Variants in NRCAM observed in about 807,000 individuals in gnomAD.
The protein encoded by NRCAM is neuronal cell adhesion molecule, also known as NgCAM-related cell adhesion molecule.
NRCAM carries 83 observed loss-of-function variants against 156.5 expected under a neutral mutation model. That is an observed-to-expected ratio of 0.53 (90% confidence interval 0.44 to 0.64). NRCAM has a LOEUF of 0.64. Ranked by LOEUF, NRCAM falls within the 30% of genes least tolerant of loss-of-function variation. NRCAM has a pLI of 0.00. For missense variants in NRCAM, 1,417 were observed against 1,597.3 expected (o/e 0.89, Z 1.92); for synonymous variants, 538 against 563.9 (o/e 0.95, Z 0.65).
At chr7:108,208,503 C>G (rs2082342298) in intron 12 of NRCAM, among the ~76,000 whole-genome samples, 1 of 152,112 alleles carries the variant, frequency 6.6e-6, no homozygotes, top group African/African-American at 2.4e-5. Flanking sequence ...AACAATGGTA[C>G]TTAACTAAAC....
intron 2 of NRCAM, among the ~76,000 whole-genome samples, chr7:108,313,728 A>T (rs941798718): frequency 2.0e-5 from 3 of 152,216 alleles, no homozygotes; most frequent in African/African-American, 7.2e-5. Flanking sequence ...AGGACAAAAT[A>T]TTAATATTGT....
intron 2 of NRCAM, among the ~76,000 whole-genome samples, chr7:108,370,562 T>TTTC (rs1158789766): frequency 3.3e-5 from 5 of 152,184 alleles, no homozygotes; most frequent in African/African-American, 1.2e-4. Flanking sequence ...AATCATGCTA[T>TTTC]TTCTGTAAAC....
chr7:108,232,685 G>T (rs2094470253), intron 6 of NRCAM, among the ~76,000 whole-genome samples, 163 bp from the exon 7 acceptor site: 2 of 152,006 alleles, frequency 1.3e-5, no homozygotes, highest in South Asian at 4.1e-4. Flanking sequence ...ATTGAATCAT[G>T]ACCTGGGAAA....
intron 1 of NRCAM, among the ~76,000 whole-genome samples, chr7:108,445,919 G>C (rs1843641327): frequency 6.6e-6 from 1 of 152,138 alleles, no homozygotes; most frequent in African/African-American, 2.4e-5. Flanking sequence ...GAGAGCTTCT[G>C]ATCTGTTTCA....
chr7:108,237,714 T>C lies in NRCAM; in HGVS notation c.124+38A>G. On this transcript the variant is annotated intron_variant, in intron 5 of 32. Coordinates refer to ENST00000379028, the MANE Select transcript of NRCAM (RefSeq NM_001037132.4). The stretch of plus-strand genomic sequence containing the variant: ...TTCAAAAAGCAAAGACATGGTCACA[T>C]TTTCACACTGCCTAGTAATTTATAG... 5 of 1,522,722 alleles carry C rather than the reference T, an allele frequency of 3.3e-6. No homozygotes were observed. In the Middle Eastern group the frequency reaches 5.2e-4, roughly 159 times the overall value. 94.3% of individuals were successfully genotyped at this position (1,522,722 alleles called of 1,614,324 possible).
intron 1 of NRCAM, among the ~76,000 whole-genome samples, chr7:108,445,368 C>A (rs1018875534): frequency 2.6e-5 from 4 of 152,100 alleles, no homozygotes; most frequent in African/African-American, 9.7e-5. Flanking sequence ...ACAGTCCTAT[C>A]CTGCAGCATC....
chr7:108,159,562 AT>A, intron 31 of NRCAM, 21 bp from the exon 32 acceptor site: 1 of 1,575,478 alleles, frequency 6.3e-7, no homozygotes, highest in Non-Finnish European at 8.7e-7. Flanking sequence ...CCAAAATGGT[AT>A]TATTATCTGT....
intron 3 of NRCAM, among the ~76,000 whole-genome samples, chr7:108,301,749 C>G (rs898405164): frequency 1.3e-5 from 2 of 151,856 alleles, no homozygotes; most frequent in African/African-American, 4.8e-5. Flanking sequence ...TAAAAAATAT[C>G]TAGGGGCTCA....
At chr7:108,404,230 T>C (rs916566575) in intron 1 of NRCAM, among the ~76,000 whole-genome samples, 2 of 130,168 alleles carry the variant, frequency 1.5e-5, no homozygotes, top group Admixed American at 8.4e-5. Context: ...CTGATGACCA[T>C]TGAGAGGCCT....
chr7:108,171,222 C>A (rs1315999069), intron 28 of NRCAM, among the ~76,000 whole-genome samples: 12 of 152,144 alleles, frequency 7.9e-5, no homozygotes, highest in Admixed American at 3.9e-4. Context: ...AACTGTAAGT[C>A]TTCCTCTGTA....
chr7:108,227,221 A>C (rs2093618876), intron 8 of NRCAM, among the ~76,000 whole-genome samples: 1 of 152,230 alleles, frequency 6.6e-6, no homozygotes, highest in South Asian at 2.1e-4. Flanking sequence ...GTGAGTAACC[A>C]TCAGCACTCT....
intron 2 of NRCAM, among the ~76,000 whole-genome samples, chr7:108,313,588 A>G (rs1364426375): frequency 6.6e-6 from 1 of 152,244 alleles, no homozygotes; most frequent in Non-Finnish European, 1.5e-5. Flanking sequence ...AAGATGCTTA[A>G]TAATCTCAGC....
At chr7:108,422,533 T>C (rs1237195788) in intron 1 of NRCAM, among the ~76,000 whole-genome samples, 2 of 152,228 alleles carry the variant, frequency 1.3e-5, no homozygotes, top group South Asian at 2.1e-4. Flanking sequence ...TAATATAAAA[T>C]ACATCACCCA....
intron 2 of NRCAM, among the ~76,000 whole-genome samples, chr7:108,335,586 A>G (rs901361081): frequency 2.0e-5 from 3 of 152,024 alleles, no homozygotes; most frequent in Admixed American, 2.0e-4. Context: ...AGATGCAGAA[A>G]ATGCCTACCT....
intron 5 of NRCAM, among the ~76,000 whole-genome samples, chr7:108,235,158 T>G (rs1208392217): frequency 1.3e-5 from 2 of 152,126 alleles, no homozygotes; most frequent in Non-Finnish European, 2.9e-5. Context: ...ATTTGAGAAG[T>G]TAATATTAAA....
chr7:108,225,280 C>T (rs191756074), intron 10 of NRCAM, among the ~76,000 whole-genome samples: 13 of 152,282 alleles, frequency 8.5e-5, no homozygotes, highest in African/African-American at 3.1e-4. Flanking sequence ...AGTCAGTATT[C>T]TAGCAAGTTA....
At chr7:108,208,604 T>G (rs956624859) in intron 12 of NRCAM, among the ~76,000 whole-genome samples, 3 of 152,230 alleles carry the variant, frequency 2.0e-5, no homozygotes, top group Non-Finnish European at 4.4e-5. Context: ...TTGTAACGTC[T>G]TTTGCATTTA....
At chr7:108,255,332 C>T (rs12670135) in intron 3 of NRCAM, among the ~76,000 whole-genome samples, 3 of 151,928 alleles carry the variant, frequency 2.0e-5, no homozygotes, top group Non-Finnish European at 4.4e-5. Flanking sequence ...ACGCCTGACT[C>T]GTTTTTGTAT....
At chr7:108,391,608 C>A (rs1317387526) in intron 2 of NRCAM, among the ~76,000 whole-genome samples, 1 of 152,054 alleles carries the variant, frequency 6.6e-6, no homozygotes, top group African/African-American at 2.4e-5. Flanking sequence ...TGAATTTGAT[C>A]CTGTCATTAT....
Sources: gnomAD v4.1 joint callset for allele counts (sites outside exome capture counted in the v4.1 genomes callset) on GRCh38, gnomAD v4.1.1 for gene constraint, MANE v1.5 for transcripts, NCBI Gene and HGNC (gene_info 2026-07-23, HGNC 2026-07-21) for gene names.